The following CLYBL variants were observed in gnomAD, a reference collection of about 807,000 sequenced individuals.
CLYBL encodes citramalyl-CoA lyase.
CLYBL carries 31 observed loss-of-function variants against 38.9 expected under a neutral mutation model. That is an observed-to-expected ratio of 0.80 (90% confidence interval 0.60 to 1.08). The LOEUF is 1.08. Among genes scored for constraint, CLYBL ranks in the 50% least tolerant of loss-of-function variants. CLYBL has a pLI of 0.00. For synonymous variants in CLYBL, 171 were observed against 158.6 expected (o/e 1.08, Z -0.59); for missense variants, 434 against 411.6 (o/e 1.05, Z -0.47).
chr13:99,695,065 G>A (rs910850808), intron 1 of CLYBL, among the ~76,000 whole-genome samples: 1 of 152,110 alleles, frequency 6.6e-6, no homozygotes, highest in East Asian at 1.9e-4. Context: ...GCTTGGGTAA[G>A]CCGCGAATCC....
chr13:99,731,759 A>G (rs964435864), intron 1 of CLYBL, among the ~76,000 whole-genome samples: 6 of 152,182 alleles, frequency 3.9e-5, no homozygotes, highest in Admixed American at 2.6e-4. Flanking sequence ...GGCCTCGGAC[A>G]TCTCCTGATG....
rs776116183 is a variant in CLYBL at position 99,773,015 on chromosome 13, T to C, written c.249+5T>C. 1.2e-6 allele frequency: 2 copies of C among 1,605,920 alleles called. No homozygotes were observed. Among genetic ancestry groups the C allele is most frequent in the South Asian group, 1.1e-5 (1 of 88,754 alleles). On this transcript the variant is annotated splice_donor_5th_base_variant and intron_variant, in intron 2 of 8. Coordinates refer to ENST00000339105, the MANE Select transcript of CLYBL (RefSeq NM_206808.5). The stretch of plus-strand genomic sequence containing the variant: ...GGAGTGGCTGCAAACAAAAAGGTAA[T>C]GGCATGATTTTAGTATGAGAAAAAG...
chr13:99,711,975 A>G (rs2048241002), intron 1 of CLYBL, among the ~76,000 whole-genome samples: 1 of 152,034 alleles, frequency 6.6e-6, no homozygotes. Context: ...TTGGCCTCCC[A>G]AAGTGCTGGG....
At position 99,722,895 on chromosome 13, in the gene CLYBL, G is replaced by A. The variant is rs2048415703; in HGVS notation, c.63-49929G>A. Among the ~76,000 whole-genome samples, 4 of 152,238 alleles carry A rather than the reference G, an allele frequency of 2.6e-5. No individual in the cohort carries two copies. The South Asian group carries it at 8.3e-4, about 31-fold the overall frequency. On this transcript the variant is annotated intron_variant, in intron 1 of 8. Coordinates refer to ENST00000339105, the MANE Select transcript of CLYBL (RefSeq NM_206808.5). The stretch of plus-strand genomic sequence containing the variant: ...ACCAAGAGGACAGGACACTAGGACT[G>A]TTTACTTCCCCCTTTCTCCCCTGTT...
intron 3 of CLYBL, 146 bp downstream of exon 3, chr13:99,859,195 C>T (rs1310783611): frequency 3.3e-6 from 2 of 608,762 alleles, no homozygotes; most frequent in East Asian, 3.0e-5. Flanking sequence ...CTCAAGTATC[C>T]GTTTCTTTTA....
At chr13:99,732,355 G>A (rs1260993087) in intron 1 of CLYBL, among the ~76,000 whole-genome samples, 3 of 151,614 alleles carry the variant, frequency 2.0e-5, no homozygotes, top group Non-Finnish European at 4.4e-5. Context: ...CACCACACCC[G>A]GCTAAGTTTT....
chr13:99,766,667 C>G (rs566945377), intron 1 of CLYBL, among the ~76,000 whole-genome samples: 26 of 152,010 alleles, frequency 1.7e-4, no homozygotes, highest in Non-Finnish European at 2.6e-4. Context: ...TTATTGGATA[C>G]ATTTGCTTAG....
intron 2 of CLYBL, among the ~76,000 whole-genome samples, chr13:99,824,893 GA>G (rs1465487083): frequency 3.9e-5 from 6 of 152,244 alleles, no homozygotes; most frequent in African/African-American, 1.4e-4. Flanking sequence ...TATTTGTTAG[GA>G]TGTCAGTTTT....
At chr13:99,812,205 A>G (rs75545957) in intron 2 of CLYBL, among the ~76,000 whole-genome samples, 3,935 of 152,208 alleles carry the variant, frequency 0.026, 100 homozygotes, top group East Asian at 0.083. Flanking sequence ...TAAAGTCCAA[A>G]AACTTCTTAA....
At chr13:99,888,366 T>C (rs544604602) in intron 7 of CLYBL, among the ~76,000 whole-genome samples, 7 of 152,322 alleles carry the variant, frequency 4.6e-5, no homozygotes, top group African/African-American at 1.7e-4. Flanking sequence ...CATGAAATAA[T>C]GTATGTAAAG....
intron 1 of CLYBL, among the ~76,000 whole-genome samples, chr13:99,608,847 CTTTTTTTTT>C (rs57961216): frequency 2.6e-4 from 23 of 87,870 alleles, no homozygotes; most frequent in South Asian, 1.1e-3. Context: ...AGTGATGAGT[CTTTTTTTTT>C]TTTTTTTTTT....
intron 1 of CLYBL, among the ~76,000 whole-genome samples, chr13:99,737,183 A>C (rs1055488722): frequency 7.4e-6 from 1 of 134,560 alleles, no homozygotes; most frequent in Non-Finnish European, 1.8e-5. Flanking sequence ...CCAGCTCCTT[A>C]GCCCAGCAGC....
intron 2 of CLYBL, among the ~76,000 whole-genome samples, chr13:99,779,052 G>C (rs1371281049): frequency 2.0e-5 from 3 of 152,150 alleles, no homozygotes; most frequent in African/African-American, 7.2e-5. Flanking sequence ...AGCTGTTGTT[G>C]AGAGTGGCAA....
At chr13:99,833,003 CATACATAT>C (rs1301649477) in intron 2 of CLYBL, among the ~76,000 whole-genome samples, 3 of 73,308 alleles carry the variant, frequency 4.1e-5, no homozygotes, top group African/African-American at 1.6e-4. Flanking sequence ...TACATACATA[CATACATAT>C]ATATATATAT....
intron 3 of CLYBL, among the ~76,000 whole-genome samples, chr13:99,860,973 G>A (rs2051586520): frequency 6.6e-6 from 1 of 152,284 alleles, no homozygotes; most frequent in Admixed American, 6.5e-5. Flanking sequence ...CCCGAACAGT[G>A]TGCATTCTTC....
At chr13:99,857,817 C>G (rs1307626108) in intron 2 of CLYBL, among the ~76,000 whole-genome samples, 1 of 152,062 alleles carries the variant, frequency 6.6e-6, no homozygotes, top group Non-Finnish European at 1.5e-5. Flanking sequence ...TTATTGAGAC[C>G]TTTTTTGTAA....
intron 7 of CLYBL, among the ~76,000 whole-genome samples, chr13:99,891,094 T>C (rs2152132059): frequency 6.6e-6 from 1 of 152,254 alleles, no homozygotes; most frequent in South Asian, 2.1e-4. Context: ...CCAATGTGTT[T>C]CTCCTCTCCA....
chr13:99,852,923 A>G (rs1203398964), intron 2 of CLYBL, among the ~76,000 whole-genome samples: 1 of 152,214 alleles, frequency 6.6e-6, no homozygotes, highest in South Asian at 2.1e-4. Flanking sequence ...ATCCATTTCA[A>G]AGTAAATTGC....
chr13:99,731,584 T>A (rs929170021), intron 1 of CLYBL, among the ~76,000 whole-genome samples: 2 of 151,494 alleles, frequency 1.3e-5, no homozygotes, highest in Non-Finnish European at 2.9e-5. Context: ...AACAGAGACA[T>A]TGGCCACTGT....
Sources: gnomAD v4.1 joint callset for allele counts (sites outside exome capture counted in the v4.1 genomes callset) on GRCh38, gnomAD v4.1.1 for gene constraint, MANE v1.5 for transcripts, NCBI Gene and HGNC (gene_info 2026-07-23, HGNC 2026-07-21) for gene names.